DIAPH1: variants seen among roughly 807,000 people sequenced by gnomAD.
DIAPH1 encodes protein diaphanous homolog 1.
In DIAPH1, 46 loss-of-function variants were observed where a neutral mutation model predicts 140.7. The ratio of observed to expected loss-of-function variants is 0.33; its 90% CI spans 0.26 to 0.42. The LOEUF is 0.42. Among genes scored for constraint, DIAPH1 ranks in the 10% least tolerant of loss-of-function variants. The pLI is 1.00. For missense variants in DIAPH1, 1,310 were observed against 1,558.7 expected (o/e 0.84, Z 2.69); for synonymous variants, 565 against 551.6 (o/e 1.02, Z -0.34).
Position 141,573,571 on chromosome 5 carries a change from G to A in DIAPH1, c.2279C>T (p.Ala760Val), listed in dbSNP as rs2154596265. Residue 760 changes from alanine to valine, a missense_variant, in exon 16 of 28, where the codon GCC becomes GTC. Transcript: ENST00000389054. ...GGTTAATCCAAATGGCAGAACTGGG[G>A]CTGCAGGAACTCCAAATCCAAATGG... ...PPPFGFGVPA[A>V]PVLPFGLTPK... 6.2e-7 allele frequency: 1 copy of A among 1,614,122 alleles called. No homozygotes were observed. The highest frequency in any genetic ancestry group is 8.5e-7 in the Non-Finnish European group (1 of 1,180,020).
chr5:141,555,207 AAC>A (rs1169619321), intron 18 of DIAPH1, among the ~76,000 whole-genome samples: 3 of 152,358 alleles, frequency 2.0e-5, no homozygotes, highest in South Asian at 2.1e-4. Context: ...AACAAATTAA[AAC>A]AGTTTGATTT....
intron 3 of DIAPH1, among the ~76,000 whole-genome samples, chr5:141,585,292 A>C (rs1279291786): frequency 6.6e-6 from 1 of 152,106 alleles, no homozygotes; most frequent in African/African-American, 2.4e-5. Context: ...CTGAACACAG[A>C]AGTTACAAAA....
intron 15 of DIAPH1, among the ~76,000 whole-genome samples, chr5:141,574,625 A>T (rs2099895690): frequency 6.6e-6 from 1 of 152,208 alleles, no homozygotes; most frequent in Non-Finnish European, 1.5e-5. Flanking sequence ...TGTAAGGATA[A>T]ATCTGTGCAG....
intron 19 of DIAPH1, among the ~76,000 whole-genome samples, chr5:141,530,959 AATC>A (rs2099888128): frequency 6.6e-6 from 1 of 152,172 alleles, no homozygotes; most frequent in African/African-American, 2.4e-5. Flanking sequence ...ATATATACAT[AATC>A]AAGTTTTTTA....
At chr5:141,596,929 A>G (rs2099899413) in intron 1 of DIAPH1, among the ~76,000 whole-genome samples, 1 of 152,230 alleles carries the variant, frequency 6.6e-6, no homozygotes, top group Non-Finnish European at 1.5e-5. Context: ...AAAATCATTA[A>G]TATCCACAAC....
At chr5:141,610,402 G>T (rs1029483202) in intron 1 of DIAPH1, among the ~76,000 whole-genome samples, 2 of 152,152 alleles carry the variant, frequency 1.3e-5, no homozygotes, top group Admixed American at 1.3e-4. Context: ...CCAGGTTCAA[G>T]CAATTCTCCT....
chr5:141,520,503 C>T (rs1596333147), intron 27 of DIAPH1, among the ~76,000 whole-genome samples: 1 of 152,194 alleles, frequency 6.6e-6, no homozygotes, highest in East Asian at 1.9e-4. Flanking sequence ...CTAGCTCCCA[C>T]TTCCGCCTTG....
rs912607298 is a variant in DIAPH1 at position 141,565,722 on chromosome 5, A to T, written c.2482+5706T>A. Reference sequence around the variant, plus strand: ...AACCTTTAGGAGAGCAGGAAATTCAATGAATTTGTAATGCTTCAAATATGA... The same window carrying T: ...AACCTTTAGGAGAGCAGGAAATTCATTGAATTTGTAATGCTTCAAATATGA... On this transcript the variant is annotated intron_variant, in intron 18 of 27. Coordinates refer to ENST00000389054, the MANE Select transcript of DIAPH1 (RefSeq NM_005219.5). This position sits in a 1 kb window ranked among gnomAD's most constrained non-coding sequence, Gnocchi z 4.3. Among the ~76,000 whole-genome samples the T allele has an allele frequency of 6.6e-6, 1 of 152,232 alleles. No individual in the cohort carries two copies. Among genetic ancestry groups the T allele is most frequent in the Middle Eastern group, 3.2e-3 (1 of 316 alleles).
chr5:141,528,335 C>T (rs2099887703), intron 23 of DIAPH1, 118 bp downstream of exon 23: 4 of 1,458,780 alleles, frequency 2.7e-6, no homozygotes, highest in African/African-American at 1.4e-5. Flanking sequence ...TGCCTAAATC[C>T]TATCTCATTT....
At position 141,517,020 on chromosome 5, in the gene DIAPH1, G is replaced by A. The variant is rs1485612761; in HGVS notation, c.3662-12C>T. On this transcript the variant is annotated splice_polypyrimidine_tract_variant and intron_variant, in intron 27 of 27. Coordinates refer to ENST00000389054, the MANE Select transcript of DIAPH1 (RefSeq NM_005219.5). The stretch of plus-strand genomic sequence containing the variant: ...GGCCTTCCTGTTGGCTGCAAGAGAA[G>A]ACGAGAGATTCTGTCTATGGAAGGC... 1.9e-6 allele frequency: 3 copies of A among 1,614,036 alleles called. No individual in the cohort carries two copies. Among genetic ancestry groups the A allele is most frequent in the Admixed American group, 1.7e-5 (1 of 59,988 alleles).
At chr5:141,557,172 TACTA>T (rs2099892735) in intron 18 of DIAPH1, among the ~76,000 whole-genome samples, 1 of 152,250 alleles carries the variant, frequency 6.6e-6, no homozygotes, top group South Asian at 2.1e-4. Flanking sequence ...GGAAATTTAA[TACTA>T]ACTGGCTATC....
intron 27 of DIAPH1, chr5:141,518,813 C>CA: frequency 1.1e-6 from 1 of 872,162 alleles, no homozygotes; most frequent in Non-Finnish European, 1.9e-6. Flanking sequence ...TGAGTCACCA[C>CA]AGCCTGCCAA....
intron 1 of DIAPH1, 25 bp from the exon 2 acceptor site, chr5:141,588,275 G>A: frequency 6.3e-7 from 1 of 1,596,244 alleles, no homozygotes; most frequent in South Asian, 1.1e-5. Flanking sequence ...AAAGGAGGGA[G>A]AAGAAAGAAG....
At chr5:141,550,524 C>G (rs73794932) in intron 18 of DIAPH1, 1 of 154,406 alleles carries the variant, frequency 6.5e-6, no homozygotes, top group African/African-American at 2.4e-5. Context: ...GAAATCCAAA[C>G]TAGGTAAAGT....
chr5:141,542,611 T>C (rs2099890173), intron 18 of DIAPH1, among the ~76,000 whole-genome samples: 1 of 152,186 alleles, frequency 6.6e-6, no homozygotes, highest in African/African-American at 2.4e-5. Flanking sequence ...AAAAGTCACA[T>C]ATATTATTTC....
At chr5:141,564,424 C>T (rs187518625) in intron 18 of DIAPH1, 2 of 152,340 alleles carry the variant, frequency 1.3e-5, no homozygotes, top group Admixed American at 1.3e-4. Context: ...CAGTAAAGCA[C>T]ACTGCTAGAA....
chr5:141,588,891 G>C (rs999207509), intron 1 of DIAPH1: 5 of 152,220 alleles, frequency 3.3e-5, no homozygotes, highest in African/African-American at 1.2e-4. Flanking sequence ...GAGTAGAACG[G>C]GTTTTCTGAT....
chr5:141,572,073 A>G (rs2099895265), intron 16 of DIAPH1, 33 bp from the exon 17 acceptor site: 1 of 1,469,128 alleles, frequency 6.8e-7, no homozygotes, highest in South Asian at 1.1e-5. Context: ...AAGAATTAGT[A>G]AACTGAGCCC....
Position 141,526,288 on chromosome 5 carries a change from C to CT in DIAPH1, c.3438+8dup, listed in dbSNP as rs1395652528. The stretch of plus-strand genomic sequence containing the variant: ...CAAAAGATTCAGTCAGCAAGTATCC[C>CT]TTGCTCACCAAAAACATATTCCGAA... On this transcript the variant is annotated intron_variant, in intron 25 of 27. Coordinates refer to ENST00000389054, the MANE Select transcript of DIAPH1 (RefSeq NM_005219.5). 8 of 1,614,138 alleles carry CT rather than the reference C, an allele frequency of 5.0e-6. 1 individual carries two copies. The South Asian group carries it at 8.8e-5, about 18-fold the overall frequency.
Sources: gnomAD v4.1 joint callset for allele counts (sites outside exome capture counted in the v4.1 genomes callset) on GRCh38, gnomAD v4.1.1 for gene constraint, Gnocchi (gnomAD v3.1) non-coding constraint, MANE v1.5 for transcripts, NCBI Gene and HGNC (gene_info 2026-07-23, HGNC 2026-07-21) for gene names.